The following EHBP1 variants were observed in gnomAD, a reference collection of about 807,000 sequenced individuals.
EHBP1 encodes EH domain-binding protein 1.
Under a neutral mutation model 144.0 loss-of-function variants are expected in EHBP1, and 55 were observed. The ratio of observed to expected loss-of-function variants is 0.38; its 90% CI spans 0.31 to 0.48. The LOEUF (loss-of-function observed/expected upper bound fraction) is 0.48. EHBP1 is among the 20% of genes least tolerant of loss of function. The pLI, the probability that EHBP1 is intolerant of heterozygous loss-of-function variation, is 0.98. For missense variants in EHBP1, 1,200 were observed against 1,364.2 expected, an observed-to-expected ratio of 0.88 and a Z score of 1.90; for synonymous variants, 469 against 472.7, an observed-to-expected ratio of 0.99 and a Z score of 0.10.
At chr2:62,845,784 GC>G in intron 7 of EHBP1, among the ~76,000 whole-genome samples, 1 of 151,334 alleles carries the variant, frequency 6.6e-6, no homozygotes. Flanking sequence ...GATCGCCTTA[GC>G]CAAAAAAAAT....
At position 62,993,569 on chromosome 2, in the gene EHBP1, A is replaced by G. The variant is rs772762940; in HGVS notation, c.2773A>G (p.Thr925Ala). The change falls in exon 17 of 23, where the codon ACA becomes GCA. Residue 925 changes from threonine to alanine, a missense_variant. Coordinates refer to ENST00000431489, the MANE Select transcript of EHBP1 (RefSeq NM_001142616.3). ...EDLRTERLQK[T>A]TERFRNPVVF... ...TCTCCGGACTGAACGATTACAAAAA[A>G]CAACAGAACGTTTTAGAAATCCTGT... 3.1e-6 allele frequency: 5 copies of G among 1,604,676 alleles called. No individual in the cohort carries two copies. In the South Asian group the frequency reaches 5.6e-5, roughly 18 times the overall value.
intron 10 of EHBP1, among the ~76,000 whole-genome samples, chr2:62,894,389 A>AGAGG (rs1318181288): frequency 6.6e-6 from 1 of 152,170 alleles, no homozygotes; most frequent in Admixed American, 6.6e-5. Flanking sequence ...AGGAATAGGA[A>AGAGG]GAGGGAGAGA....
intron 7 of EHBP1, among the ~76,000 whole-genome samples, chr2:62,842,295 C>T (rs980355051): frequency 2.0e-5 from 3 of 152,104 alleles, no homozygotes; most frequent in Non-Finnish European, 4.4e-5. Flanking sequence ...GCATGTTGGC[C>T]AGGCTGGTCT....
chr2:62,848,440 C>T (rs2048451121), intron 7 of EHBP1, among the ~76,000 whole-genome samples: 1 of 152,004 alleles, frequency 6.6e-6, no homozygotes, highest in African/African-American at 2.4e-5. Context: ...ATTTATTTAC[C>T]CCAAATAAAT....
intron 2 of EHBP1, among the ~76,000 whole-genome samples, chr2:62,732,565 C>G (rs1019441148): frequency 1.3e-5 from 2 of 152,066 alleles, no homozygotes; most frequent in African/African-American, 2.4e-5. Flanking sequence ...AAATGTGTAA[C>G]ACCTTCCCTT....
intron 14 of EHBP1, among the ~76,000 whole-genome samples, chr2:62,977,836 G>A (rs906386538): frequency 1.3e-5 from 2 of 152,154 alleles, no homozygotes; most frequent in Admixed American, 6.5e-5. Flanking sequence ...TAACATAGAG[G>A]AAGGATTACT....
In EHBP1 at chr2:62,846,021, A is replaced by G. The variant is rs112408627; in HGVS notation, c.635-13148A>G. 7.2e-5 allele frequency among the ~76,000 whole-genome samples: 11 copies of G among 152,350 alleles called. 2 individuals carry two copies. The highest frequency in any genetic ancestry group is 2.6e-4 in the African/African-American group (11 of 41,580). On this transcript the variant is annotated intron_variant, in intron 7 of 22. Coordinates refer to ENST00000431489, the MANE Select transcript of EHBP1 (RefSeq NM_001142616.3). Reference sequence around the variant, plus strand: ...AACCCTAGGATGAGAGACTGACGTCATCAGGAATATATCTTTGCAGTCTTA... The same window carrying G: ...AACCCTAGGATGAGAGACTGACGTCGTCAGGAATATATCTTTGCAGTCTTA...
In EHBP1 at chr2:62,706,955, A is replaced by T. The variant is rs1158752970; in HGVS notation, c.-237A>T. On this transcript the variant is annotated 5_prime_UTR_variant, in exon 2 of 23. Transcript: ENST00000431489. ...TGGCATGGTGATGTCTCCATGAGGG[A>T]ACCCCTTCCCACTCATCCTGTCACG... 1 of 465,546 alleles carries T rather than the reference A, an allele frequency of 2.1e-6. No individual in the cohort carries two copies. Among genetic ancestry groups the T allele is most frequent in the Non-Finnish European group, 3.9e-6 (1 of 254,584 alleles). The allele number at this position is 465,546 out of a possible 1,614,324, so 28.8% of individuals were successfully genotyped here.
At chr2:62,725,386 CAG>C (rs1164835791) in intron 2 of EHBP1, among the ~76,000 whole-genome samples, 1 of 152,210 alleles carries the variant, frequency 6.6e-6, no homozygotes, top group African/African-American at 2.4e-5. Context: ...GTGTTCACCT[CAG>C]TGGCAGAGGC....
At chr2:62,824,888 A>G (rs1302821078) in intron 5 of EHBP1, among the ~76,000 whole-genome samples, 1 of 151,980 alleles carries the variant, frequency 6.6e-6, no homozygotes, top group Non-Finnish European at 1.5e-5. Flanking sequence ...ATAAAGATTT[A>G]TTAAATAATA....
intron 2 of EHBP1, among the ~76,000 whole-genome samples, chr2:62,740,011 T>C (rs976487002): frequency 6.6e-6 from 1 of 152,100 alleles, no homozygotes; most frequent in Non-Finnish European, 1.5e-5. Context: ...TTTATTTATT[T>C]TGGTGGCCCA....
At chr2:62,762,130 C>T (rs2040818825) in intron 3 of EHBP1, among the ~76,000 whole-genome samples, 1 of 152,080 alleles carries the variant, frequency 6.6e-6, no homozygotes. Context: ...TTTGTTAAAC[C>T]CAGTGACCGT....
intron 4 of EHBP1, among the ~76,000 whole-genome samples, chr2:62,769,149 T>C (rs1279260261): frequency 1.3e-5 from 2 of 152,176 alleles, no homozygotes; most frequent in Non-Finnish European, 2.9e-5. Context: ...GTGTTGGAAG[T>C]CCTGGCCAGA....
chr2:62,913,895 A>G (rs1283377701), intron 10 of EHBP1, among the ~76,000 whole-genome samples: 1 of 152,168 alleles, frequency 6.6e-6, no homozygotes, highest in East Asian at 1.9e-4. Flanking sequence ...TCCTGGGTAA[A>G]TGAATTCAAT....
intron 10 of EHBP1, among the ~76,000 whole-genome samples, chr2:62,889,670 T>C (rs2052279445): frequency 6.6e-6 from 1 of 152,218 alleles, no homozygotes; most frequent in African/African-American, 2.4e-5. Flanking sequence ...TCTCCATTGC[T>C]TATTTTTGTC....
At chr2:62,928,853 A>T (rs1047900818) in intron 10 of EHBP1, among the ~76,000 whole-genome samples, 2 of 151,736 alleles carry the variant, frequency 1.3e-5, no homozygotes, top group Non-Finnish European at 2.9e-5. Context: ...AAAAAAAAAA[A>T]AAAGAGAAAA....
intron 10 of EHBP1, among the ~76,000 whole-genome samples, chr2:62,891,961 C>T (rs1180762489): frequency 6.6e-6 from 1 of 152,030 alleles, no homozygotes; most frequent in African/African-American, 2.4e-5. Context: ...GGAATGTAAA[C>T]TTATAAAGTA....
intron 2 of EHBP1, among the ~76,000 whole-genome samples, chr2:62,739,484 A>G (rs2038479916): frequency 6.6e-6 from 1 of 152,008 alleles, no homozygotes; most frequent in Non-Finnish European, 1.5e-5. Context: ...GGCTTCTTCC[A>G]ATAGGTCTAG....
chr2:62,958,911 T>C (rs1171705254), intron 14 of EHBP1, among the ~76,000 whole-genome samples: 2 of 152,196 alleles, frequency 1.3e-5, no homozygotes, highest in Non-Finnish European at 2.9e-5. Flanking sequence ...TAAGAACAGT[T>C]AACATGAGAG....
Sources: gnomAD v4.1 joint callset for allele counts (sites outside exome capture counted in the v4.1 genomes callset) on GRCh38, gnomAD v4.1.1 for gene constraint, MANE v1.5 for transcripts, NCBI Gene and HGNC (gene_info 2026-07-23, HGNC 2026-07-21) for gene names.